Variants in MAP2K1 observed in about 807,000 individuals in gnomAD.
MAP2K1 encodes the protein dual specificity mitogen-activated protein kinase kinase 1.
Under a neutral mutation model 46.3 loss-of-function variants are expected in MAP2K1, and 16 were observed. The ratio of observed to expected loss-of-function variants is 0.35; its 90% CI spans 0.23 to 0.52. The LOEUF (loss-of-function observed/expected upper bound fraction) is 0.52. Among genes scored for constraint, MAP2K1 ranks in the 20% least tolerant of loss-of-function variants. The pLI, the probability that MAP2K1 is intolerant of heterozygous loss-of-function variation, is 0.94. For synonymous variants in MAP2K1, 183 were observed against 185.6 expected (o/e 0.99, Z 0.11); for missense variants, 263 against 497.1 (o/e 0.53, Z 4.48).
rs1567003104 is a variant in MAP2K1 at position 66,420,791 on chromosome 15, G to GTATATA, written c.81-14235_81-14234insATATAT. Among the ~76,000 whole-genome samples, 2 of 58,888 alleles carry GTATATA rather than the reference G, an allele frequency of 3.4e-5. 1 individual carries two copies. The highest frequency in any genetic ancestry group is 9.9e-5 in the African/African-American group (2 of 20,204). The allele number at this position is 58,888 out of a possible 152,430, so 38.6% of individuals were successfully genotyped here. The stretch of plus-strand genomic sequence containing the variant: ...TGTATATATATGTGTATATATATGT[G>GTATATA]TGTATATATATGTGTATATATATGT... On this transcript the variant is annotated intron_variant, in intron 1 of 10. Coordinates refer to ENST00000307102, the MANE Select transcript of MAP2K1 (RefSeq NM_002755.4).
chr15:66,423,683 C>T lies in MAP2K1; in HGVS notation c.81-11344C>T, dbSNP rs113147094. 1.4e-3 allele frequency among the ~76,000 whole-genome samples: 207 copies of T among 148,046 alleles called. 1 individual carries two copies. The highest frequency in any genetic ancestry group is 4.9e-3 in the African/African-American group (195 of 39,740). Reference sequence around the variant, plus strand: ...AGTGCAATGGCGCAATCTCGGCTCACGGCAACCTCTGCCTCCCAGGTTCAA... The same window carrying T: ...AGTGCAATGGCGCAATCTCGGCTCATGGCAACCTCTGCCTCCCAGGTTCAA... On this transcript the variant is annotated intron_variant, in intron 1 of 10. Coordinates refer to ENST00000307102, the MANE Select transcript of MAP2K1 (RefSeq NM_002755.4).
chr15:66,453,409 G>A (rs1363034050), intron 5 of MAP2K1: 8 of 694,710 alleles, frequency 1.2e-5, no homozygotes, highest in Non-Finnish European at 1.8e-5. Context: ...ACTTCTGTGT[G>A]GGCTGGCCTG....
At chr15:66,466,043 A>G (rs955480882) in intron 5 of MAP2K1, among the ~76,000 whole-genome samples, 1 of 152,168 alleles carries the variant, frequency 6.6e-6, no homozygotes, top group African/African-American at 2.4e-5. Flanking sequence ...TCCTGGGCCT[A>G]TCAGAAAGTG....
At chr15:66,428,267 TGTGC>T (rs2093464754) in intron 1 of MAP2K1, among the ~76,000 whole-genome samples, 1 of 116,546 alleles carries the variant, frequency 8.6e-6, no homozygotes, top group South Asian at 3.2e-4. Context: ...CAACAGCAGT[TGTGC>T]GTGTGTGTGT....
At chr15:66,411,472 G>T (rs1454855418) in intron 1 of MAP2K1, among the ~76,000 whole-genome samples, 1 of 152,164 alleles carries the variant, frequency 6.6e-6, no homozygotes, top group African/African-American at 2.4e-5. Context: ...AAGAGGAAGA[G>T]CTTGGTAGAC....
At chr15:66,490,258 C>A (rs1312872868) in intron 10 of MAP2K1, 26 of 635,596 alleles carry the variant, frequency 4.1e-5, no homozygotes, top group Non-Finnish European at 6.8e-5. Context: ...GGCAGAGTTA[C>A]TGTCTCCATA....
At chr15:66,388,086 T>C (rs1025179622) in intron 1 of MAP2K1, among the ~76,000 whole-genome samples, 1 of 152,202 alleles carries the variant, frequency 6.6e-6, no homozygotes. Flanking sequence ...ATTTTCTCAC[T>C]AATGATTTCC....
At chr15:66,445,592 A>G (rs921131345) in intron 5 of MAP2K1, among the ~76,000 whole-genome samples, 2 of 152,262 alleles carry the variant, frequency 1.3e-5, no homozygotes, top group African/African-American at 4.8e-5. Flanking sequence ...TCAACAGGCA[A>G]AGAGAGAAAC....
chr15:66,479,189 C>T (rs766132446), intron 5 of MAP2K1, among the ~76,000 whole-genome samples: 2 of 151,952 alleles, frequency 1.3e-5, no homozygotes, highest in East Asian at 1.9e-4. Flanking sequence ...CTCTGCTTCC[C>T]GGGTTCAAAC....
intron 1 of MAP2K1, among the ~76,000 whole-genome samples, chr15:66,395,909 T>C (rs911208718): frequency 4.6e-5 from 7 of 152,030 alleles, no homozygotes; most frequent in Non-Finnish European, 7.4e-5. Context: ...CACTACACTT[T>C]AACTTCTGTG....
intron 1 of MAP2K1, among the ~76,000 whole-genome samples, chr15:66,403,790 C>T (rs1453440652): frequency 6.6e-6 from 1 of 152,152 alleles, no homozygotes; most frequent in African/African-American, 2.4e-5. Flanking sequence ...GTTAGTTTTA[C>T]AAATTAGATC....
At chr15:66,436,270 C>T (rs1030163839) in intron 2 of MAP2K1, among the ~76,000 whole-genome samples, 3 of 152,178 alleles carry the variant, frequency 2.0e-5, no homozygotes, top group African/African-American at 7.2e-5. Flanking sequence ...CTTGTCTCCC[C>T]AGCTGGAACA....
chr15:66,410,942 C>T (rs1226182252), intron 1 of MAP2K1, among the ~76,000 whole-genome samples: 1 of 152,162 alleles, frequency 6.6e-6, no homozygotes, highest in Non-Finnish European at 1.5e-5. Flanking sequence ...CCAGGCCTGC[C>T]ATGTACTAGT....
chr15:66,474,709 C>A (rs1892716833), intron 5 of MAP2K1, among the ~76,000 whole-genome samples: 1 of 152,120 alleles, frequency 6.6e-6, no homozygotes, highest in Non-Finnish European at 1.5e-5. Flanking sequence ...CCCTGTGCCA[C>A]CCTAACAGGT....
chr15:66,447,151 C>T (rs997564447), intron 5 of MAP2K1, among the ~76,000 whole-genome samples: 4 of 151,528 alleles, frequency 2.6e-5, no homozygotes, highest in African/African-American at 9.7e-5. Flanking sequence ...TGATACATCA[C>T]TGGTGAGCAA....
At chr15:66,469,922 T>A (rs1262596903) in intron 5 of MAP2K1, among the ~76,000 whole-genome samples, 1 of 151,288 alleles carries the variant, frequency 6.6e-6, no homozygotes, top group African/African-American at 2.4e-5. Context: ...CAGAACCTTA[T>A]GTATGGAACT....
At chr15:66,439,952 A>AC (rs1232047767) in intron 3 of MAP2K1, among the ~76,000 whole-genome samples, 1 of 151,602 alleles carries the variant, frequency 6.6e-6, no homozygotes, top group East Asian at 1.9e-4. Flanking sequence ...AAAAAAAAAA[A>AC]ATTCTAGCAT....
chr15:66,436,342 C>G (rs117399869), intron 2 of MAP2K1, among the ~76,000 whole-genome samples: 1,960 of 152,330 alleles, frequency 0.013, 10 homozygotes, highest in Non-Finnish European at 0.019. Flanking sequence ...TCAACCACAT[C>G]AGGCTCCTGA....
In MAP2K1 at chr15:66,387,460, C is replaced by G. The variant is rs56149436; in HGVS notation, c.80+33C>G. The G allele has an allele frequency of 0.018, 28,137 of 1,546,952 alleles. 317 individuals are homozygous for G. The highest frequency in any genetic ancestry group is 0.02 in the Non-Finnish European group (23,402 of 1,143,366). On this transcript the variant is annotated intron_variant, in intron 1 of 10. Coordinates refer to ENST00000307102, the MANE Select transcript of MAP2K1 (RefSeq NM_002755.4). The stretch of plus-strand genomic sequence containing the variant: ...TGGGGCGGGCGGTGAACCTCGGGGC[C>G]CGGCTGGGGAGGCCCGAGCCGGGGA...
Sources: allele counts gnomAD v4.1 joint callset (sites outside exome capture counted in the v4.1 genomes callset), GRCh38; gene constraint gnomAD v4.1.1; transcripts MANE v1.5; gene names NCBI Gene and HGNC (gene_info 2026-07-23, HGNC 2026-07-21).